The following ADGRE1 variants were observed in gnomAD, a reference collection of about 807,000 sequenced individuals.
ADGRE1 encodes adhesion G protein-coupled receptor E1.
ADGRE1 carries 82 observed loss-of-function variants against 102.7 expected under a neutral mutation model. That is an observed-to-expected ratio of 0.80 (90% CI 0.67 to 0.96). The LOEUF (loss-of-function observed/expected upper bound fraction) is 0.96. ADGRE1 is among the 40% of genes least tolerant of loss of function. ADGRE1 has a pLI of 0.00. For synonymous variants in ADGRE1, 398 were observed against 399.6 expected, an observed-to-expected ratio of 1.00 and a Z score of 0.05; for missense variants, 1,032 against 1,085.3, an observed-to-expected ratio of 0.95 and a Z score of 0.69.
chr19:6,925,637 G>A (rs1251336509), intron 15 of ADGRE1, among the ~76,000 whole-genome samples: 2 of 152,100 alleles, frequency 1.3e-5, no homozygotes, highest in Non-Finnish European at 2.9e-5. Flanking sequence ...TGTTACAGAT[G>A]TCGATAATGC....
chr19:6,936,631 T>G (rs1162962358), intron 18 of ADGRE1, among the ~76,000 whole-genome samples: 8 of 151,006 alleles, frequency 5.3e-5, no homozygotes, highest in Non-Finnish European at 1.5e-5. Context: ...TCCTTGTTTT[T>G]TTTTTTTTTT....
At chr19:6,919,459 T>TGTGTGTGTGTG in intron 12 of ADGRE1, 89 bp from the exon 13 acceptor site, 1 of 707,300 alleles carries the variant, frequency 1.4e-6, no homozygotes, top group Non-Finnish European at 2.4e-6. Flanking sequence ...TGTGTGTGTG[T>TGTGTGTGTGTG]GTGTGTGTGT....
chr19:6,926,641 A>C (rs766772669), intron 16 of ADGRE1, 40 bp downstream of exon 16: 1 of 1,600,590 alleles, frequency 6.2e-7, no homozygotes, highest in South Asian at 1.1e-5. Flanking sequence ...CCCTGCTGCC[A>C]GGGCTTATGG....
At chr19:6,902,722 T>C (rs921043738) in intron 6 of ADGRE1, among the ~76,000 whole-genome samples, 4 of 152,052 alleles carry the variant, frequency 2.6e-5, no homozygotes, top group African/African-American at 7.2e-5. Context: ...ATTACAGGCA[T>C]GAGCCACTGC....
intron 2 of ADGRE1, among the ~76,000 whole-genome samples, chr19:6,892,151 G>T (rs1229071868): frequency 6.6e-6 from 1 of 152,088 alleles, no homozygotes; most frequent in Non-Finnish European, 1.5e-5. Context: ...GAGAAATGTT[G>T]CCTCTACAGA....
At chr19:6,935,785 T>C (rs1975378583) in intron 18 of ADGRE1, among the ~76,000 whole-genome samples, 1 of 152,222 alleles carries the variant, frequency 6.6e-6, no homozygotes, top group Non-Finnish European at 1.5e-5. Flanking sequence ...AGAATGTGCG[T>C]CGTAAATTGA....
chr19:6,913,774 C>A lies in ADGRE1; in HGVS notation c.1244C>A (p.Ala415Glu), dbSNP rs769009300. 6.2e-7 allele frequency: 1 copy of A among 1,612,010 alleles called. No homozygotes were observed. The highest frequency in any genetic ancestry group is 1.1e-5 in the South Asian group (1 of 90,474). The part of the protein sequence containing the change: ...FLESVESMTL[A>E]SFWKPSANIT... ...GAGAGTGTGGAAAGCATGACACTGG[C>A]ATCTTTTTGGAAACCCTCAGCAAAT... Residue 415 changes from alanine (A) to glutamate (E), a missense_variant, in exon 11 of 21, where the codon GCA becomes GAA. By Grantham distance (107) the Ala-to-Glu change is moderately radical. Transcript: ENST00000312053.
At chr19:6,929,651 T>A (rs561630186) in intron 17 of ADGRE1, among the ~76,000 whole-genome samples, 2 of 151,978 alleles carry the variant, frequency 1.3e-5, no homozygotes, top group East Asian at 3.9e-4. Flanking sequence ...GCCTCCCGAA[T>A]AGCTGGGATT....
chr19:6,921,188 G>A (rs552855779), intron 13 of ADGRE1, among the ~76,000 whole-genome samples: 2 of 152,206 alleles, frequency 1.3e-5, no homozygotes, highest in Admixed American at 6.5e-5. Context: ...TGGGAGGCCC[G>A]AGGCAGGTGA....
Position 6,896,533 on chromosome 19 carries a change from G to T in ADGRE1, c.230G>T (p.Arg77Leu). 6.2e-7 allele frequency: 1 copy of T among 1,613,932 alleles called. No individual in the cohort carries two copies. Among genetic ancestry groups the T allele is most frequent in the Non-Finnish European group, 8.5e-7 (1 of 1,179,906 alleles). The change falls in exon 3 of 21, where the codon CGA becomes CTA. Residue 77 changes from arginine (R) to leucine (L), a missense_variant. Transcript: ENST00000312053. ...AATCACTTCAAGGATCCAGGAGTGC[G>T]ATGCAAAGGTGAGTTCATGTCCCCT... ...GQNHFKDPGV[R>L]CKDIDECSQS...
At position 6,939,192 on chromosome 19, in the gene ADGRE1, A is replaced by G. The variant is rs73488672; in HGVS notation, c.2656-832A>G. Among the ~76,000 whole-genome samples the G allele has an allele frequency of 3.9e-3, 595 of 152,340 alleles. 4 individuals carry two copies. Among genetic ancestry groups the G allele is most frequent in the African/African-American group, 0.013 (541 of 41,568 alleles). On this transcript the variant is annotated intron_variant, in intron 20 of 20. Coordinates refer to ENST00000312053, the MANE Select transcript of ADGRE1 (RefSeq NM_001974.5). ...AATCACCCCACTGGAAAAATTGCCC[A>G]TATCATGGATGACATATTCTCTTGG...
chr19:6,931,341 G>A (rs767801562), intron 17 of ADGRE1, among the ~76,000 whole-genome samples: 3 of 152,112 alleles, frequency 2.0e-5, no homozygotes, highest in South Asian at 2.1e-4. Context: ...AGGGGTCACC[G>A]TAATAAGCTA....
intron 10 of ADGRE1, among the ~76,000 whole-genome samples, chr19:6,909,050 CT>C (rs1197344325): frequency 5.9e-5 from 9 of 151,526 alleles, no homozygotes; most frequent in African/African-American, 2.2e-4. Context: ...AGGACGATTG[CT>C]TGAACCCGGG....
intron 15 of ADGRE1, 65 bp downstream of exon 15, chr19:6,924,937 C>T (rs1185588263): frequency 6.5e-6 from 10 of 1,538,232 alleles, no homozygotes; most frequent in South Asian, 2.4e-5. Flanking sequence ...TCAGCTCATT[C>T]CTAGCCAACT....
At chr19:6,913,870 T>A in intron 11 of ADGRE1, 40 bp downstream of exon 11, 2 of 1,462,084 alleles carry the variant, frequency 1.4e-6, no homozygotes, top group Non-Finnish European at 1.8e-6. Flanking sequence ...ACCTAGGGGA[T>A]GATTTTGAAA....
intron 17 of ADGRE1, among the ~76,000 whole-genome samples, chr19:6,932,119 G>A (rs945148289): frequency 1.4e-4 from 22 of 152,150 alleles, no homozygotes; most frequent in Non-Finnish European, 4.4e-5. Flanking sequence ...TGAAGAAGGT[G>A]TAGAGTCCAC....
Position 6,926,345 on chromosome 19 carries a change from G to A in ADGRE1, c.1987-21G>A, listed in dbSNP as rs550935282. ...TCTCTCTGGGGTGGAGGATTCTGATGCGCATGCTTCTCCCCTCCAGATGGG... is the reference window on the plus strand; with the variant it reads ...TCTCTCTGGGGTGGAGGATTCTGATACGCATGCTTCTCCCCTCCAGATGGG... On this transcript the variant is annotated intron_variant, in intron 15 of 20. Transcript: ENST00000312053. 1.1e-5 allele frequency: 17 copies of A among 1,611,858 alleles called. No homozygotes were observed. In the African/African-American group the frequency reaches 1.9e-4, roughly 18 times the overall value.
chr19:6,933,005 C>T (rs943871080), intron 17 of ADGRE1, among the ~76,000 whole-genome samples: 1 of 152,082 alleles, frequency 6.6e-6, no homozygotes, highest in African/African-American at 2.4e-5. Flanking sequence ...CAGATCACTT[C>T]GGGTCAGGAG....
Position 6,897,006 on chromosome 19 carries a change from C to T in ADGRE1, c.239-143C>T, listed in dbSNP as rs1899617286. ...GCTCAGATTCAAGATGGGGACATACCTTCCATTGCTTGACAGAAGAAGTAC... is the reference window on the plus strand; with the variant it reads ...GCTCAGATTCAAGATGGGGACATACTTTCCATTGCTTGACAGAAGAAGTAC... On this transcript the variant is annotated intron_variant, in intron 3 of 20. Coordinates refer to ENST00000312053, the MANE Select transcript of ADGRE1 (RefSeq NM_001974.5). 3.2e-5 allele frequency: 26 copies of T among 807,282 alleles called. No individual in the cohort carries two copies. The South Asian group carries it at 4.8e-4, about 15-fold the overall frequency. The allele number at this position is 807,282 out of a possible 1,614,324, so 50.0% of individuals were successfully genotyped here.
Sources: allele counts gnomAD v4.1 joint callset (sites outside exome capture counted in the v4.1 genomes callset), GRCh38; gene constraint gnomAD v4.1.1; transcripts MANE v1.5; gene names NCBI Gene and HGNC (gene_info 2026-07-23, HGNC 2026-07-21).